FBXL13: variants seen among roughly 807,000 people sequenced by gnomAD.
FBXL13 encodes the protein F-box and leucine-rich repeat protein 13.
In FBXL13, 67 loss-of-function variants were observed where a neutral mutation model predicts 83.6. The observed-to-expected ratio is 0.80, with a 90% CI of 0.66 to 0.98. The LOEUF is 0.98. FBXL13 is among the 50% of genes least tolerant of loss of function. The pLI is 0.00. For missense variants in FBXL13, 822 were observed against 866.5 expected (o/e 0.95, Z 0.64); for synonymous variants, 272 against 299.5 (o/e 0.91, Z 0.95).
chr7:103,003,229 T>C (rs1790588975), intron 6 of FBXL13, among the ~76,000 whole-genome samples: 1 of 151,786 alleles, frequency 6.6e-6, no homozygotes, highest in Admixed American at 6.6e-5. Context: ...ATTTCTCAGT[T>C]CCAGGATTTC....
At chr7:103,034,188 A>C (rs1219309834) in intron 2 of FBXL13, among the ~76,000 whole-genome samples, 2 of 152,146 alleles carry the variant, frequency 1.3e-5, no homozygotes, top group Non-Finnish European at 2.9e-5. Context: ...CACCCAGTGG[A>C]TCTCGCACTG....
chr7:102,989,196 GAAT>G (rs1461648317), intron 6 of FBXL13, among the ~76,000 whole-genome samples: 1 of 152,222 alleles, frequency 6.6e-6, no homozygotes, highest in East Asian at 1.9e-4. Context: ...AGCTTTGCAT[GAAT>G]AATTGACAAA....
intron 17 of FBXL13, among the ~76,000 whole-genome samples, chr7:102,852,234 A>T (rs1290597230): frequency 6.6e-6 from 1 of 152,154 alleles, no homozygotes; most frequent in Non-Finnish European, 1.5e-5. Flanking sequence ...CCTAACTAAG[A>T]GCCTGGAGGT....
intron 11 of FBXL13, among the ~76,000 whole-genome samples, chr7:102,889,400 T>C (rs572189144): frequency 2.0e-5 from 3 of 152,162 alleles, no homozygotes; most frequent in African/African-American, 7.2e-5. Context: ...CTGTTTTTTG[T>C]TTGTTTTTAA....
At chr7:102,891,874 C>A (rs1401080678) in intron 11 of FBXL13, among the ~76,000 whole-genome samples, 1 of 152,176 alleles carries the variant, frequency 6.6e-6, no homozygotes, top group African/African-American at 2.4e-5. Flanking sequence ...CAACCAGTGG[C>A]CAAATTGTTC....
intron 11 of FBXL13, among the ~76,000 whole-genome samples, chr7:102,902,408 C>T (rs1042812461): frequency 6.6e-6 from 1 of 152,038 alleles, no homozygotes; most frequent in African/African-American, 2.4e-5. Flanking sequence ...TTGATTGTAT[C>T]CTTTGCTGTG....
intron 2 of FBXL13, among the ~76,000 whole-genome samples, chr7:103,053,697 C>A (rs749955931): frequency 2.0e-4 from 30 of 152,138 alleles, no homozygotes; most frequent in Middle Eastern, 3.2e-3. Context: ...AATCCTGTCC[C>A]CTAGGCCTCT....
At chr7:102,883,340 C>A (rs1810367992) in exon 14 of FBXL13, 1 of 1,613,018 alleles carries the variant, frequency 6.2e-7, no homozygotes, top group African/African-American at 1.3e-5. Flanking sequence ...CAGTCAGTTG[C>A]TTCAAAGGTG....
intron 19 of FBXL13, among the ~76,000 whole-genome samples, chr7:102,815,677 G>T (rs181884834): frequency 4.6e-5 from 7 of 152,216 alleles, no homozygotes; most frequent in East Asian, 1.9e-4. Context: ...GGGAGTAAAA[G>T]ATTTGCAAAT....
chr7:102,944,568 C>T (rs752776711), intron 8 of FBXL13: 29 of 1,610,684 alleles, frequency 1.8e-5, no homozygotes, highest in African/African-American at 6.7e-5. Flanking sequence ...GAGATCACAC[C>T]GCAAAGAAGC....
chr7:102,934,563 A>G, intron 8 of FBXL13: 1 of 1,614,048 alleles, frequency 6.2e-7, no homozygotes, highest in Non-Finnish European at 8.5e-7. Context: ...GAAGAAGAAA[A>G]GGAACAATTG....
intron 16 of FBXL13, among the ~76,000 whole-genome samples, chr7:102,868,796 T>C (rs966835589): frequency 6.6e-6 from 1 of 152,354 alleles, no homozygotes; most frequent in Admixed American, 6.5e-5. Flanking sequence ...GCCTCCCAAG[T>C]AGCTGGGATC....
chr7:103,042,577 A>C (rs1795838568), intron 2 of FBXL13, among the ~76,000 whole-genome samples: 1 of 152,208 alleles, frequency 6.6e-6, no homozygotes, highest in Non-Finnish European at 1.5e-5. Flanking sequence ...CTATACTACA[A>C]GGCTACAGTA....
chr7:103,058,633 A>G (rs1277118120), intron 1 of FBXL13, among the ~76,000 whole-genome samples: 2 of 152,160 alleles, frequency 1.3e-5, no homozygotes, highest in Non-Finnish European at 2.9e-5. Flanking sequence ...GAGGACATCT[A>G]TATCAGAATC....
chr7:102,819,677 C>T (rs187163953), intron 19 of FBXL13, among the ~76,000 whole-genome samples: 1 of 152,144 alleles, frequency 6.6e-6, no homozygotes, highest in East Asian at 1.9e-4. Context: ...AGACATTGAG[C>T]TTCTTCCCAA....
At chr7:102,929,123 T>C (rs1818664889) in intron 9 of FBXL13, among the ~76,000 whole-genome samples, 1 of 151,940 alleles carries the variant, frequency 6.6e-6, no homozygotes, top group Non-Finnish European at 1.5e-5. Context: ...AGGTAAGGAG[T>C]GGAGGAGTTC....
intron 16 of FBXL13, among the ~76,000 whole-genome samples, chr7:102,864,425 A>G (rs1807326244): frequency 6.6e-6 from 1 of 151,616 alleles, no homozygotes; most frequent in Non-Finnish European, 1.5e-5. Flanking sequence ...CTGGAGTGCA[A>G]TGGTGCAATT....
intron 8 of FBXL13, among the ~76,000 whole-genome samples, chr7:102,943,472 G>A (rs1821860832): frequency 6.6e-6 from 1 of 152,102 alleles, no homozygotes; most frequent in African/African-American, 2.4e-5. Context: ...CATTTACAGT[G>A]AAGAAATATA....
chr7:103,011,545 G>A (rs141271439), intron 6 of FBXL13, among the ~76,000 whole-genome samples: 1,667 of 151,992 alleles, frequency 0.011, 35 homozygotes, highest in African/African-American at 0.039. Flanking sequence ...GGCTGAGGCT[G>A]GAGAATCGCT....
Sources: gnomAD v4.1 joint callset for allele counts (sites outside exome capture counted in the v4.1 genomes callset) on GRCh38, gnomAD v4.1.1 for gene constraint, MANE v1.5 for transcripts, NCBI Gene and HGNC (gene_info 2026-07-23, HGNC 2026-07-21) for gene names.